The following SYNE1 variants were observed in gnomAD, a reference collection of about 807,000 sequenced individuals.
The protein encoded by SYNE1 is nesprin-1.
In SYNE1, 616 loss-of-function variants were observed where a neutral mutation model predicts 1,111.0. The ratio of observed to expected loss-of-function variants is 0.55; its 90% CI spans 0.52 to 0.59. The LOEUF is 0.59. Ranked by LOEUF, SYNE1 falls within the 20% of genes least tolerant of loss-of-function variation. The pLI, the probability that SYNE1 is intolerant of heterozygous loss-of-function variation, is 0.00. For missense variants in SYNE1, 10,006 were observed against 10,417.0 expected (o/e 0.96, Z 1.72); for synonymous variants, 3,855 against 3,825.8 (o/e 1.01, Z -0.28).
chr6:152,623,154 A>G (rs571823392), intron 3 of SYNE1, among the ~76,000 whole-genome samples: 1 of 152,288 alleles, frequency 6.6e-6, no homozygotes, highest in African/African-American at 2.4e-5. Flanking sequence ...AAACAGACAC[A>G]TAAATCAATG....
intron 46 of SYNE1, 143 bp from the exon 47 acceptor site, chr6:152,401,484 C>T (rs1207210490): frequency 2.5e-6 from 2 of 789,012 alleles, no homozygotes; most frequent in Admixed American, 4.3e-5. Flanking sequence ...ATATGCCTTT[C>T]CAAGAAGGAA....
chr6:152,447,178 C>T (rs572398338), intron 29 of SYNE1, among the ~76,000 whole-genome samples: 13 of 152,234 alleles, frequency 8.5e-5, no homozygotes, highest in African/African-American at 3.1e-4. Flanking sequence ...CATAAAATAA[C>T]AATGCTTTTT....
At chr6:152,276,144 C>T (rs2093614726) in intron 98 of SYNE1, among the ~76,000 whole-genome samples, 1 of 148,308 alleles carries the variant, frequency 6.7e-6, no homozygotes. Context: ...AAGCAGTTCT[C>T]ATGCCTCAGC....
intron 124 of SYNE1, among the ~76,000 whole-genome samples, chr6:152,211,281 T>C (rs2077481570): frequency 6.6e-6 from 1 of 152,202 alleles, no homozygotes; most frequent in Non-Finnish European, 1.5e-5. Flanking sequence ...AATTACTCTA[T>C]GCCCTTCATA....
intron 16 of SYNE1, among the ~76,000 whole-genome samples, chr6:152,468,843 A>G (rs1166614454): frequency 1.3e-5 from 2 of 152,132 alleles, no homozygotes; most frequent in African/African-American, 2.4e-5. Flanking sequence ...CAGCAAGATC[A>G]TAGCTCACTG....
chr6:152,212,936 T>C (rs2077802198), intron 123 of SYNE1, among the ~76,000 whole-genome samples: 1 of 152,180 alleles, frequency 6.6e-6, no homozygotes, highest in South Asian at 2.1e-4. Flanking sequence ...ATTTAAAAAA[T>C]TCTGAATTAA....
rs148290972 is a variant in SYNE1 at position 152,321,917 on chromosome 6, G to A, written c.15918-31C>T. The stretch of plus-strand genomic sequence containing the variant: ...GAAACATTACAGGGATAAAACAGAA[G>A]TGAAGTGAAAGGAACCCCCTAATAC... On this transcript the variant is annotated intron_variant, in intron 82 of 145. Coordinates refer to ENST00000367255, the MANE Select transcript of SYNE1 (RefSeq NM_182961.4). 2.4e-4 allele frequency: 391 copies of A among 1,613,866 alleles called. 1 individual carries two copies. In the African/African-American group the frequency reaches 4.6e-3, roughly 19 times the overall value.
chr6:152,409,582 C>T lies in SYNE1; in HGVS notation c.6358G>A (p.Asp2120Asn), dbSNP rs749290417. 6.8e-6 allele frequency: 11 copies of T among 1,613,666 alleles called. No individual in the cohort carries two copies. Among genetic ancestry groups the T allele is most frequent in the African/African-American group, 6.7e-5 (5 of 74,912 alleles). The change falls in exon 43 of 146, where the codon GAT becomes AAT. Residue 2120 changes from aspartate to asparagine, a missense_variant. Coordinates refer to ENST00000367255, the MANE Select transcript of SYNE1 (RefSeq NM_182961.4). ...ACCTTGGAAAAAGCCCATTTAAGAT[C>T]CTCCTGATCTTTTATGGTAGTTCTG... ...VTRTTIKDQE[D>N]LKWAFSKHET... is the part of the protein sequence containing the mutation.
At chr6:152,530,514 G>T (rs2099191926) in intron 4 of SYNE1, among the ~76,000 whole-genome samples, 1 of 144,890 alleles carries the variant, frequency 6.9e-6, no homozygotes, top group African/African-American at 2.6e-5. Flanking sequence ...TTTATGTGCA[G>T]TTTCAATTAC....
intron 123 of SYNE1, among the ~76,000 whole-genome samples, chr6:152,212,849 CT>C (rs1021293441): frequency 6.6e-6 from 1 of 152,042 alleles, no homozygotes; most frequent in African/African-American, 2.4e-5. Context: ...TCATTGTAGT[CT>C]TTTTTCTATT....
chr6:152,510,430 A>T, intron 7 of SYNE1, 59 bp from the exon 8 acceptor site: 1 of 1,572,720 alleles, frequency 6.4e-7, no homozygotes, highest in East Asian at 2.3e-5. Context: ...TTATTTCCTC[A>T]GATGTTTTAC....
intron 127 of SYNE1, among the ~76,000 whole-genome samples, chr6:152,197,005 C>T (rs1198699756): frequency 4.6e-5 from 7 of 152,178 alleles, no homozygotes; most frequent in Non-Finnish European, 7.3e-5. Flanking sequence ...AATGCTCCCT[C>T]CGTGGGCATC....
At chr6:152,329,663 A>C in intron 78 of SYNE1, 67 bp downstream of exon 78, 1 of 1,608,734 alleles carries the variant, frequency 6.2e-7, no homozygotes, top group Non-Finnish European at 8.5e-7. Context: ...CAAGCAAACG[A>C]ATTTCTTGTA....
chr6:152,370,410 G>C (rs775058764), intron 59 of SYNE1, among the ~76,000 whole-genome samples: 1 of 152,160 alleles, frequency 6.6e-6, no homozygotes, highest in Non-Finnish European at 1.5e-5. Context: ...GAGGGTACAA[G>C]AAGTAGCATA....
chr6:152,324,020 C>A (rs2095968714), intron 81 of SYNE1, among the ~76,000 whole-genome samples: 1 of 152,052 alleles, frequency 6.6e-6, no homozygotes, highest in African/African-American at 2.4e-5. Context: ...AAACAAAATA[C>A]TCTTTCCAAT....
rs1048064836 is a variant in SYNE1, at chr6:152,267,984, G to A, written c.18815+72C>T. The A allele has an allele frequency of 6.7e-6, 9 of 1,349,862 alleles. No homozygotes were observed. The South Asian group carries it at 8.3e-5, about 12-fold the overall frequency. The allele number at this position is 1,349,862 out of a possible 1,614,324, so 83.6% of individuals were successfully genotyped here. A position where few individuals can be genotyped will look rare whatever the true frequency, so the allele number is the denominator to read the frequency against. The stretch of plus-strand genomic sequence containing the variant: ...GAAGATGTTTAAAATAAAATTTTGA[G>A]TGAGATGTTTACTTTTCTTCAAATG... On this transcript the variant is annotated intron_variant, in intron 100 of 145. Transcript: ENST00000367255.
intron 48 of SYNE1, among the ~76,000 whole-genome samples, chr6:152,399,032 T>C (rs2097774462): frequency 6.6e-6 from 1 of 152,200 alleles, no homozygotes; most frequent in African/African-American, 2.4e-5. Context: ...AAATAATTAA[T>C]TGCCTGAATA....
At chr6:152,198,137 T>C (rs1285235836) in intron 127 of SYNE1, among the ~76,000 whole-genome samples, 1 of 152,158 alleles carries the variant, frequency 6.6e-6, no homozygotes, top group Non-Finnish European at 1.5e-5. Flanking sequence ...CTTAGCTAGA[T>C]CTTCTGCATA....
intron 56 of SYNE1, 79 bp downstream of exon 56, chr6:152,380,927 A>ATT: frequency 6.3e-6 from 8 of 1,278,794 alleles, no homozygotes; most frequent in Admixed American, 1.9e-5. Context: ...AGTTAGCAAG[A>ATT]TTTTTTTTTT....
Sources: allele counts gnomAD v4.1 joint callset (sites outside exome capture counted in the v4.1 genomes callset), GRCh38; gene constraint gnomAD v4.1.1; transcripts MANE v1.5; gene names NCBI Gene and HGNC (gene_info 2026-07-23, HGNC 2026-07-21).